The following GPR55 variants were observed in gnomAD, a reference collection of about 807,000 sequenced individuals.
The protein encoded by GPR55 is G-protein coupled receptor 55.
A neutral mutation model predicts 7.9 loss-of-function variants in GPR55; 6 were observed. That is an observed-to-expected ratio of 0.76 (90% confidence interval 0.41 to 1.49). The LOEUF is 1.49. Ranked by LOEUF, GPR55 falls within the 40% of genes most tolerant of loss-of-function variation. The pLI is 0.01. For synonymous variants in GPR55, 183 were observed against 166.8 expected, an observed-to-expected ratio of 1.10 and a Z score of -0.75; for missense variants, 376 against 406.0, an observed-to-expected ratio of 0.93 and a Z score of 0.63.
At chr2:230,917,329 G>C (rs944403646) in intron 1 of GPR55, among the ~76,000 whole-genome samples, 2 of 152,156 alleles carry the variant, frequency 1.3e-5, no homozygotes, top group Non-Finnish European at 2.9e-5. Context: ...GATTAATACA[G>C]TTTAATTAAT....
rs1435311055 is a variant in GPR55, at chr2:230,939,370, TG to T, written c.-135+21404del. On this transcript the variant is annotated intron_variant, in intron 1 of 1. Coordinates refer to the GPR55 transcript ENST00000392039. ...AGAAAGAAGGGAGGGTCTTCAAGGG[TG>T]GGGCAGTTTGGAGCCAGGCAATGAC... Among the ~76,000 whole-genome samples the T allele has an allele frequency of 2.0e-5, 3 of 151,798 alleles. No individual in the cohort carries two copies. In the East Asian group the frequency reaches 5.8e-4, roughly 29 times the overall value.
In GPR55 at chr2:230,923,104, C is replaced by G. The variant is rs149229548; in HGVS notation, c.-135+2064G>C. ...CTCATCCGCCCACACCCTCAAGGAT[C>G]CAGTGTCCCACTTGCGGCAGCCCTG... On this transcript the variant is annotated intron_variant, in intron 1 of 1. Coordinates refer to ENST00000650999, the MANE Select transcript of GPR55 (RefSeq NM_005683.4). This position sits in a 1 kb window ranked among gnomAD's most constrained non-coding sequence, Gnocchi z 4.1. Among the ~76,000 whole-genome samples, 2 of 152,384 alleles carry G rather than the reference C, an allele frequency of 1.3e-5. No homozygotes were observed. Among genetic ancestry groups the G allele is most frequent in the East Asian group, 3.9e-4 (2 of 5,190 alleles).
At chr2:230,942,771 C>T (rs183578875) in intron 1 of GPR55, among the ~76,000 whole-genome samples, 1 of 152,000 alleles carries the variant, frequency 6.6e-6, no homozygotes, top group African/African-American at 2.4e-5. Flanking sequence ...GGGCACCAGA[C>T]CCAGAAGAAG....
At chr2:230,950,988 C>T (rs919237433) in intron 1 of GPR55, among the ~76,000 whole-genome samples, 1 of 152,152 alleles carries the variant, frequency 6.6e-6, no homozygotes, top group Admixed American at 6.5e-5. Context: ...ATGCCCCTTC[C>T]CCTATACCTT....
At chr2:230,930,922 T>C (rs73992978) in intron 1 of GPR55, among the ~76,000 whole-genome samples, 5,922 of 152,280 alleles carry the variant, frequency 0.039, 270 homozygotes, top group African/African-American at 0.11. Context: ...TATTTAATTC[T>C]GATTTTTAAA....
At chr2:230,911,137 C>T (rs1690584331) in intron 1 of GPR55, 41 bp from the exon 2 acceptor site, 1 of 619,618 alleles carries the variant, frequency 1.6e-6, no homozygotes, top group Non-Finnish European at 2.9e-6. Context: ...ATCCTGCTGC[C>T]CAGATGCAAC....
intron 1 of GPR55, among the ~76,000 whole-genome samples, chr2:230,956,091 G>A (rs1691478551): frequency 6.6e-6 from 1 of 152,156 alleles, no homozygotes; most frequent in South Asian, 2.1e-4. Flanking sequence ...AGCTAGGACA[G>A]TGGGAGGTCT....
intron 1 of GPR55, among the ~76,000 whole-genome samples, chr2:230,951,050 G>A (rs1038115562): frequency 8.5e-5 from 13 of 152,156 alleles, no homozygotes; most frequent in Admixed American, 2.6e-4. Flanking sequence ...TAGAATCAAC[G>A]GGCTAATGTG....
chr2:230,936,328 G>A (rs934157208), intron 1 of GPR55, among the ~76,000 whole-genome samples: 1 of 152,060 alleles, frequency 6.6e-6, no homozygotes, highest in African/African-American at 2.4e-5. Context: ...GAGGAACCTG[G>A]TAGGAGGTAA....
intron 1 of GPR55, chr2:230,957,658 A>G: frequency 5.5e-6 from 3 of 541,554 alleles, no homozygotes; most frequent in South Asian, 2.8e-5. Context: ...TAGGCATTTC[A>G]GGTGTTGAAA....
intron 1 of GPR55, among the ~76,000 whole-genome samples, chr2:230,918,476 T>A (rs1317010127): frequency 6.6e-6 from 1 of 152,202 alleles, no homozygotes; most frequent in Non-Finnish European, 1.5e-5. Flanking sequence ...GAATTACTCT[T>A]AAAATAGGCT....
At chr2:230,930,630 T>C (rs1691020837) in intron 1 of GPR55, among the ~76,000 whole-genome samples, 2 of 152,106 alleles carry the variant, frequency 1.3e-5, no homozygotes, top group African/African-American at 4.8e-5. Flanking sequence ...TTTGTACTTT[T>C]GGTACAAAAT....
chr2:230,931,698 C>G (rs73992981), intron 1 of GPR55, among the ~76,000 whole-genome samples: 7,126 of 152,218 alleles, frequency 0.047, 215 homozygotes, highest in East Asian at 0.13. Context: ...TCTGGCCTCA[C>G]GGTGCGACCT....
At chr2:230,922,179 T>A (rs1156889429) in intron 1 of GPR55, among the ~76,000 whole-genome samples, 1 of 152,166 alleles carries the variant, frequency 6.6e-6, no homozygotes, top group African/African-American at 2.4e-5. Flanking sequence ...TGAAGTAGAA[T>A]CTCCTTTCAA....
intron 1 of GPR55, among the ~76,000 whole-genome samples, chr2:230,935,034 A>G (rs1469480874): frequency 6.6e-6 from 1 of 152,088 alleles, no homozygotes; most frequent in Non-Finnish European, 1.5e-5. Context: ...AGTGACACAC[A>G]GGCCCCTTCA....
chr2:230,925,412 G>A (rs549120693), upstream of GPR55, among the ~76,000 whole-genome samples: 405 of 152,212 alleles, frequency 2.7e-3, 2 homozygotes, highest in African/African-American at 8.6e-3. Context: ...ATGGGGAGCA[G>A]TTTCCAGGAG....
intron 1 of GPR55, among the ~76,000 whole-genome samples, chr2:230,915,084 G>A (rs768918314): frequency 3.9e-5 from 6 of 152,244 alleles, no homozygotes; most frequent in African/African-American, 1.2e-4. Flanking sequence ...CGCAGAAATC[G>A]CCCCAGGCTA....
chr2:230,931,021 T>C (rs1342330062), intron 1 of GPR55, among the ~76,000 whole-genome samples: 17 of 152,068 alleles, frequency 1.1e-4, no homozygotes, highest in Admixed American at 1.1e-3. Context: ...CCACCTGCCC[T>C]ACCTACCCGC....
At chr2:230,951,519 T>C (rs1225909912) in intron 1 of GPR55, among the ~76,000 whole-genome samples, 1 of 152,182 alleles carries the variant, frequency 6.6e-6, no homozygotes, top group Non-Finnish European at 1.5e-5. Flanking sequence ...CTGGCAGATG[T>C]CTAGGGAAGA....
Sources: allele counts gnomAD v4.1 joint callset (sites outside exome capture counted in the v4.1 genomes callset), GRCh38; gene constraint gnomAD v4.1.1; non-coding constraint Gnocchi (gnomAD v3.1); transcripts MANE v1.5; gene names NCBI Gene and HGNC (gene_info 2026-07-23, HGNC 2026-07-21).